The following DENR variants were observed in gnomAD, a reference collection of about 807,000 sequenced individuals.
The protein encoded by DENR is density regulated re-initiation and release factor.
Under a neutral mutation model 30.6 loss-of-function variants are expected in DENR, and 6 were observed. That is an observed-to-expected ratio of 0.20 (90% confidence interval 0.11 to 0.39). The LOEUF (loss-of-function observed/expected upper bound fraction) is 0.39. Ranked by LOEUF, DENR falls within the 10% of genes least tolerant of loss-of-function variation. The probability of loss-of-function intolerance (pLI) is 1.00; values close to 1 mark genes in which losing one functional copy is unlikely to be tolerated. For synonymous variants in DENR, 78 were observed against 72.1 expected, an observed-to-expected ratio of 1.08 and a Z score of -0.41; for missense variants, 141 against 230.9, an observed-to-expected ratio of 0.61 and a Z score of 2.52.
rs1448802746 is a variant in DENR, at chr12:122,770,035, G to A, written c.*957G>A. 6.6e-6 allele frequency: 1 copy of A among 152,598 alleles called. No individual in the cohort carries two copies. Among genetic ancestry groups the A allele is most frequent in the Non-Finnish European group, 1.5e-5 (1 of 68,046 alleles). 9.5% of individuals were successfully genotyped at this position (152,598 alleles called of 1,614,324 possible). A position where few individuals can be genotyped will look rare whatever the true frequency, so the allele number is the denominator to read the frequency against. On this transcript the variant is annotated 3_prime_UTR_variant, in exon 8 of 8. Coordinates refer to ENST00000280557, the MANE Select transcript of DENR (RefSeq NM_003677.5). ...GTTGAATTTGCTGTGTTGTTATGAA[G>A]TCCACCCTGTGGGCACAATAACATA...
Position 122,764,689 on chromosome 12 carries a change from A to C in DENR, c.212-615A>C, listed in dbSNP as rs113856090. The stretch of plus-strand genomic sequence containing the variant: ...TCTCATATTGATGGCTTCTCTTGCA[A>C]GACTGGTAAAAATGAAGGCAGTAGC... On this transcript the variant is annotated intron_variant, in intron 4 of 7. Transcript: ENST00000280557. Among the ~76,000 whole-genome samples the C allele has an allele frequency of 1.7e-3, 253 of 152,302 alleles. 1 individual carries two copies. Among genetic ancestry groups the C allele is most frequent in the African/African-American group, 5.8e-3 (240 of 41,568 alleles).
At chr12:122,762,045 C>T in intron 2 of DENR, 142 bp from the exon 3 acceptor site, 1 of 497,560 alleles carries the variant, frequency 2.0e-6, no homozygotes, top group East Asian at 3.4e-5. Flanking sequence ...TGAAGAGTAG[C>T]ATTTGAAAAG....
At position 122,752,847 on chromosome 12, in the gene DENR, G is replaced by C. The variant is rs1878437009; in HGVS notation, c.-113G>C. ...TTGTCTCGCGGGAGCGCTGCTGGCG[G>C]TCGGGCGCTCGGGCGGCCCTGGCCG... On this transcript the variant is annotated 5_prime_UTR_variant, in exon 1 of 8. Coordinates refer to ENST00000280557, the MANE Select transcript of DENR (RefSeq NM_003677.5). The C allele has an allele frequency of 6.6e-6, 1 of 152,454 alleles. No homozygotes were observed. Among genetic ancestry groups the C allele is most frequent in the Non-Finnish European group, 1.5e-5 (1 of 68,198 alleles). 9.4% of individuals were successfully genotyped at this position (152,454 alleles called of 1,614,324 possible). A position where few individuals can be genotyped will look rare whatever the true frequency, so the allele number is the denominator to read the frequency against.
rs1380463812 is a variant in DENR at position 122,754,727 on chromosome 12, TA to T, written c.106+922del. 6.6e-5 allele frequency among the ~76,000 whole-genome samples: 10 copies of T among 152,324 alleles called. No individual in the cohort carries two copies. In the East Asian group the frequency reaches 1.7e-3, roughly 26 times the overall value. ...AACTGCAGTTACTTTTGCACCAACC[TA>T]ATCATTTTTTGAGCAGGAAAATAAA... On this transcript the variant is annotated intron_variant, in intron 2 of 7. Coordinates refer to ENST00000280557, the MANE Select transcript of DENR (RefSeq NM_003677.5).
intron 5 of DENR, among the ~76,000 whole-genome samples, chr12:122,766,134 G>A (rs1363078245): frequency 4.6e-5 from 7 of 151,458 alleles, no homozygotes; most frequent in African/African-American, 1.7e-4. Context: ...CTTTACTAAG[G>A]CCAGACTCAC....
intron 2 of DENR, among the ~76,000 whole-genome samples, chr12:122,757,339 C>G (rs1319438008): frequency 6.6e-6 from 1 of 152,088 alleles, no homozygotes; most frequent in Non-Finnish European, 1.5e-5. Context: ...ATAATTATCT[C>G]CTGGAAACTG....
At chr12:122,754,852 T>C (rs1878504719) in intron 2 of DENR, among the ~76,000 whole-genome samples, 1 of 152,204 alleles carries the variant, frequency 6.6e-6, no homozygotes, top group South Asian at 2.1e-4. Context: ...ATAAGTGCCT[T>C]GCTGAGAGTG....
At chr12:122,755,306 G>T (rs1397692046) in intron 2 of DENR, among the ~76,000 whole-genome samples, 1 of 152,174 alleles carries the variant, frequency 6.6e-6, no homozygotes, top group Non-Finnish European at 1.5e-5. Context: ...GGGGCCGGGC[G>T]CAGTGGCTCA....
chr12:122,767,765 C>T (rs1878885828), intron 6 of DENR, among the ~76,000 whole-genome samples, 161 bp downstream of exon 6: 1 of 152,298 alleles, frequency 6.6e-6, no homozygotes, highest in East Asian at 1.9e-4. Context: ...GCTTCAAAAT[C>T]AAATTTTAGA....
chr12:122,754,042 A>C, intron 2 of DENR: 1 of 545,110 alleles, frequency 1.8e-6, no homozygotes, highest in Non-Finnish European at 3.3e-6. Context: ...CAGGATGTGC[A>C]ACTAGGTTAT....
rs1323173114 is a variant in DENR at position 122,769,236 on chromosome 12, A to G, written c.*158A>G. 12 of 696,388 alleles carry G rather than the reference A, an allele frequency of 1.7e-5. No individual in the cohort carries two copies. The highest frequency in any genetic ancestry group is 1.9e-5 in the Non-Finnish European group (11 of 582,740). The allele number at this position is 696,388 out of a possible 1,614,324, so 43.1% of individuals were successfully genotyped here. On this transcript the variant is annotated 3_prime_UTR_variant, in exon 8 of 8. Coordinates refer to ENST00000280557, the MANE Select transcript of DENR (RefSeq NM_003677.5). ...TACACATGTATATATACATGTGTGT[A>G]TGTATACATGTATATATATATACAT...
At chr12:122,766,166 G>A (rs937911442) in intron 5 of DENR, among the ~76,000 whole-genome samples, 1 of 151,884 alleles carries the variant, frequency 6.6e-6, no homozygotes, top group South Asian at 2.1e-4. Flanking sequence ...CTGTTCTGTG[G>A]TACACTGTTC....
chr12:122,769,151 AATATAT>A lies in DENR; in HGVS notation c.*83_*88del, dbSNP rs886558609. On this transcript the variant is annotated 3_prime_UTR_variant, in exon 8 of 8. Transcript: ENST00000280557. ...GGCCAAAGGGAGAGAGGCCTTTTAA[AATATAT>A]ATATATATACACATATATATGTATA... 19 of 1,375,250 alleles carry A rather than the reference AATATAT, an allele frequency of 1.4e-5. No homozygotes were observed. The highest frequency in any genetic ancestry group is 1.7e-5 in the Non-Finnish European group (18 of 1,029,124). 85.2% of individuals were successfully genotyped at this position (1,375,250 alleles called of 1,614,324 possible). A position where few individuals can be genotyped will look rare whatever the true frequency, so the allele number is the denominator to read the frequency against.
chr12:122,759,651 G>A (rs1196922948), intron 2 of DENR, among the ~76,000 whole-genome samples: 2 of 152,164 alleles, frequency 1.3e-5, no homozygotes, highest in South Asian at 2.1e-4. Context: ...GACCCAGGAG[G>A]TAGAGGTTGC....
chr12:122,754,166 C>T, intron 2 of DENR: 1 of 287,998 alleles, frequency 3.5e-6, no homozygotes, highest in South Asian at 3.7e-5. Flanking sequence ...GAACGGCGTC[C>T]CAGACAAAGC....
intron 5 of DENR, among the ~76,000 whole-genome samples, chr12:122,766,476 C>T (rs1394725681): frequency 6.6e-6 from 1 of 152,206 alleles, no homozygotes; most frequent in Non-Finnish European, 1.5e-5. Context: ...CTAACTTCTG[C>T]TGCCCAGTAT....
At chr12:122,756,725 G>A (rs1377110946) in intron 2 of DENR, among the ~76,000 whole-genome samples, 1 of 152,162 alleles carries the variant, frequency 6.6e-6, no homozygotes, top group African/African-American at 2.4e-5. Flanking sequence ...TTCATGAAGA[G>A]GGGCAGCCGG....
At chr12:122,758,197 G>A (rs752658973) in intron 2 of DENR, among the ~76,000 whole-genome samples, 1 of 152,094 alleles carries the variant, frequency 6.6e-6, no homozygotes, top group African/African-American at 2.4e-5. Context: ...TCAGCCTCCC[G>A]AGTAGCGGAG....
intron 4 of DENR, among the ~76,000 whole-genome samples, chr12:122,764,426 T>C (rs888545854): frequency 6.6e-6 from 1 of 152,042 alleles, no homozygotes; most frequent in Non-Finnish European, 1.5e-5. Flanking sequence ...GGTGAAACCC[T>C]GTCTTTACTA....
Sources: allele counts gnomAD v4.1 joint callset (sites outside exome capture counted in the v4.1 genomes callset), GRCh38; gene constraint gnomAD v4.1.1; transcripts MANE v1.5; gene names NCBI Gene and HGNC (gene_info 2026-07-23, HGNC 2026-07-21).